The following SMIM10L3 variants were observed in gnomAD, a reference collection of about 807,000 sequenced individuals.
SMIM10L3 encodes small integral membrane protein 10 like 3, also known as salivary gland specific protein SAGSIN1.
chr7:6,343,310 G>A, the SMIM10L3 span, among the ~76,000 whole-genome samples: 1 of 149,908 alleles, frequency 6.7e-6, no homozygotes, highest in Non-Finnish European at 1.5e-5. Context: ...CTGGGAAGCG[G>A]AGGTTGCAGT....
chr7:6,347,516 G>C, the SMIM10L3 span, among the ~76,000 whole-genome samples: 1 of 138,472 alleles, frequency 7.2e-6, no homozygotes, highest in Non-Finnish European at 1.6e-5. Flanking sequence ...TCTGTCTCAG[G>C]GAAAAAAAAA....
At chr7:6,331,180 C>T in the SMIM10L3 span, 17 of 1,592,998 alleles carry the variant, frequency 1.1e-5, no homozygotes, top group Admixed American at 1.0e-4. Flanking sequence ...ATGCGGTGGG[C>T]CTGAGGTCAC....
chr7:6,330,127 T>C, the SMIM10L3 span: 20 of 509,526 alleles, frequency 3.9e-5, no homozygotes, highest in East Asian at 7.6e-4. Flanking sequence ...ATACAGGCTA[T>C]GATCGTCTCC....
At chr7:6,333,735 C>A in the SMIM10L3 span, among the ~76,000 whole-genome samples, 1 of 148,232 alleles carries the variant, frequency 6.7e-6, no homozygotes, top group Non-Finnish European at 1.5e-5. Flanking sequence ...AAGTGCACTT[C>A]GAAGAGATCC....
chr7:6,344,270 T>C, the SMIM10L3 span, among the ~76,000 whole-genome samples: 3 of 152,190 alleles, frequency 2.0e-5, no homozygotes, highest in Non-Finnish European at 2.9e-5. Flanking sequence ...TTAGTGTTTT[T>C]TCACAAATGA....
the SMIM10L3 span, among the ~76,000 whole-genome samples, chr7:6,335,517 C>T: frequency 6.9e-6 from 1 of 145,214 alleles, no homozygotes; most frequent in East Asian, 2.0e-4. Context: ...TGTGAGCCTC[C>T]GTGCCCAGCC....
At chr7:6,339,640 C>A in the SMIM10L3 span, among the ~76,000 whole-genome samples, 1 of 151,870 alleles carries the variant, frequency 6.6e-6, no homozygotes, top group Non-Finnish European at 1.5e-5. Flanking sequence ...CCCGCCACCA[C>A]GCCTGGGTAA....
At chr7:6,342,996 C>T in the SMIM10L3 span, among the ~76,000 whole-genome samples, 1 of 150,456 alleles carries the variant, frequency 6.6e-6, no homozygotes, top group Non-Finnish European at 1.5e-5. Flanking sequence ...ATGATCGCAC[C>T]ACTGCACTCC....
chr7:6,335,395 G>C, the SMIM10L3 span, among the ~76,000 whole-genome samples: 1 of 151,742 alleles, frequency 6.6e-6, no homozygotes, highest in Admixed American at 6.6e-5. Context: ...GCTAATTTTA[G>C]TTTTTGTATT....
chr7:6,332,855 G>A, the SMIM10L3 span, among the ~76,000 whole-genome samples: 5 of 152,090 alleles, frequency 3.3e-5, no homozygotes, highest in East Asian at 5.8e-4. Flanking sequence ...ATGTATAACC[G>A]CATTAAGATT....
chr7:6,342,225 T>G, the SMIM10L3 span, among the ~76,000 whole-genome samples: 1 of 151,724 alleles, frequency 6.6e-6, no homozygotes, highest in Non-Finnish European at 1.5e-5. Flanking sequence ...ACTTTCTCTT[T>G]CTCTCTCTCT....
At chr7:6,330,051 A>G in the SMIM10L3 span, 1 of 299,958 alleles carries the variant, frequency 3.3e-6, no homozygotes, top group Non-Finnish European at 6.5e-6. Flanking sequence ...TTGGGACAGT[A>G]GCCCTTTAGA....
At chr7:6,331,968 C>T in the SMIM10L3 span, among the ~76,000 whole-genome samples, 2 of 151,472 alleles carry the variant, frequency 1.3e-5, no homozygotes, top group East Asian at 1.9e-4. Flanking sequence ...TGAAATTAGC[C>T]AGGTGTGATG....
the SMIM10L3 span, among the ~76,000 whole-genome samples, chr7:6,336,752 T>A: frequency 6.6e-6 from 1 of 151,126 alleles, no homozygotes; most frequent in Non-Finnish European, 1.5e-5. Context: ...TTCCTCAAGG[T>A]TGGGTCATCA....
the SMIM10L3 span, chr7:6,330,544 A>C: frequency 1.2e-6 from 2 of 1,614,196 alleles, no homozygotes; most frequent in Non-Finnish European, 1.7e-6. Context: ...CTCCTCACTC[A>C]GGAGCACTTC....
At chr7:6,343,055 A>G in the SMIM10L3 span, among the ~76,000 whole-genome samples, 1 of 115,870 alleles carries the variant, frequency 8.6e-6, no homozygotes, top group African/African-American at 3.6e-5. Context: ...AAAAGAAAAA[A>G]GAAAGAAAGA....
chr7:6,346,904 TAAA>T, the SMIM10L3 span, among the ~76,000 whole-genome samples: 1 of 152,096 alleles, frequency 6.6e-6, no homozygotes, highest in Non-Finnish European at 1.5e-5. Context: ...CGTCCAACTG[TAAA>T]CTCCCCAAAG....
the SMIM10L3 span, among the ~76,000 whole-genome samples, chr7:6,347,370 G>A: frequency 6.6e-6 from 1 of 151,860 alleles, no homozygotes; most frequent in Non-Finnish European, 1.5e-5. Context: ...ACAAAAATTA[G>A]CCTGGCGTGG....
At chr7:6,333,876 C>A in the SMIM10L3 span, among the ~76,000 whole-genome samples, 1 of 108,828 alleles carries the variant, frequency 9.2e-6, no homozygotes, top group Non-Finnish European at 1.8e-5. Flanking sequence ...CAGAGTCTTG[C>A]TCTTTTTTTG....
Sources: allele counts gnomAD v4.1 joint callset (sites outside exome capture counted in the v4.1 genomes callset), GRCh38; gene constraint gnomAD v4.1.1; transcripts MANE v1.5; gene names NCBI Gene and HGNC (gene_info 2026-07-23, HGNC 2026-07-21).